Variants in CSMD1 observed in about 807,000 individuals in gnomAD.
CSMD1 encodes the protein CUB and Sushi multiple domains 1.
In CSMD1, 213 loss-of-function variants were observed where a neutral mutation model predicts 417.5. The observed-to-expected ratio is 0.51, with a 90% CI of 0.46 to 0.57. The LOEUF (loss-of-function observed/expected upper bound fraction) is 0.57. Ranked by LOEUF, CSMD1 falls within the 20% of genes least tolerant of loss-of-function variation. CSMD1 has a pLI of 0.00. For missense variants in CSMD1, 6,923 were observed against 4,529.7 expected, an observed-to-expected ratio of 1.53 and a Z score of -15.17; for synonymous variants, 2,862 against 1,736.8, an observed-to-expected ratio of 1.65 and a Z score of -16.11.
At chr8:4,138,129 A>T (rs1803549535) in intron 3 of CSMD1, among the ~76,000 whole-genome samples, 1 of 123,452 alleles carries the variant, frequency 8.1e-6, no homozygotes, top group Non-Finnish European at 1.6e-5. Flanking sequence ...GTTACCCAGG[A>T]TGGTCTCAAT....
intron 1 of CSMD1, among the ~76,000 whole-genome samples, chr8:4,984,962 C>G (rs765165174): frequency 6.6e-6 from 1 of 152,132 alleles, no homozygotes; most frequent in East Asian, 1.9e-4. Flanking sequence ...AATGGAAACT[C>G]CTAGAAAGCA....
chr8:3,429,813 A>C (rs544141107), intron 12 of CSMD1, among the ~76,000 whole-genome samples: 1 of 152,204 alleles, frequency 6.6e-6, no homozygotes, highest in Non-Finnish European at 1.5e-5. Context: ...AATAAATTAC[A>C]GATAGTCCCA....
chr8:4,878,919 G>A (rs142306699), intron 1 of CSMD1, among the ~76,000 whole-genome samples: 27 of 151,366 alleles, frequency 1.8e-4, no homozygotes, highest in African/African-American at 6.6e-4. Flanking sequence ...GAACGACAAG[G>A]TGAAGAGGAC....
intron 2 of CSMD1, among the ~76,000 whole-genome samples, chr8:4,430,596 TAGACA>T (rs1351698296): frequency 1.3e-5 from 2 of 152,180 alleles, no homozygotes; most frequent in Admixed American, 6.5e-5. Context: ...AATTGCATTC[TAGACA>T]AGTTTGTCAA....
At chr8:4,683,749 T>C (rs1563136159) in intron 1 of CSMD1, among the ~76,000 whole-genome samples, 2 of 152,188 alleles carry the variant, frequency 1.3e-5, no homozygotes, top group Admixed American at 1.3e-4. Context: ...TTTTGCACAA[T>C]TAGCTCAGAC....
At chr8:3,471,492 CTTT>C (rs1817096531) in intron 11 of CSMD1, among the ~76,000 whole-genome samples, 3 of 95,422 alleles carry the variant, frequency 3.1e-5, no homozygotes, top group Non-Finnish European at 5.5e-5. Context: ...TTCCTTCCTT[CTTT>C]CCTTCCTTCC....
At chr8:3,742,946 T>A (rs1205317199) in intron 6 of CSMD1, among the ~76,000 whole-genome samples, 1 of 152,200 alleles carries the variant, frequency 6.6e-6, no homozygotes, top group African/African-American at 2.4e-5. Context: ...CTCATCTTCT[T>A]GACAGGATAC....
chr8:4,387,570 C>CA (rs540419006), intron 3 of CSMD1, among the ~76,000 whole-genome samples: 9,785 of 37,008 alleles, frequency 0.26, 2,224 homozygotes, highest in East Asian at 0.52. Flanking sequence ...TCCAAACTGG[C>CA]AAAAAAAAAA....
chr8:4,027,050 G>C (rs995676487), intron 4 of CSMD1, among the ~76,000 whole-genome samples: 1 of 152,212 alleles, frequency 6.6e-6, no homozygotes, highest in Admixed American at 6.5e-5. Flanking sequence ...ACTTGGAAAA[G>C]AAGCAGATAG....
chr8:3,484,374 C>A (rs1435600191), intron 11 of CSMD1, among the ~76,000 whole-genome samples: 1 of 152,156 alleles, frequency 6.6e-6, no homozygotes, highest in Non-Finnish European at 1.5e-5. Flanking sequence ...CAGTTGGATA[C>A]ACGAACTGCC....
intron 7 of CSMD1, among the ~76,000 whole-genome samples, chr8:3,655,066 AG>A (rs1352142221): frequency 6.6e-6 from 1 of 152,236 alleles, no homozygotes; most frequent in Non-Finnish European, 1.5e-5. Context: ...AATAATTTAA[AG>A]AATGTTTTTT....
intron 5 of CSMD1, among the ~76,000 whole-genome samples, chr8:3,775,010 C>A (rs13264501): frequency 6.6e-6 from 1 of 151,828 alleles, no homozygotes; most frequent in Non-Finnish European, 1.5e-5. Flanking sequence ...CCGGCAGGAC[C>A]AAGCAGGATA....
intron 1 of CSMD1, among the ~76,000 whole-genome samples, chr8:4,953,301 C>A (rs143128548): frequency 6.6e-6 from 1 of 152,022 alleles, no homozygotes; most frequent in South Asian, 2.1e-4. Context: ...TTAGAAAGTA[C>A]AATATCTATT....
At chr8:3,957,671 G>C (rs1210626929) in intron 5 of CSMD1, among the ~76,000 whole-genome samples, 1 of 151,074 alleles carries the variant, frequency 6.6e-6, no homozygotes, top group African/African-American at 2.4e-5. Flanking sequence ...GCTATTAACA[G>C]AGCAAGACCA....
At position 4,724,098 on chromosome 8, in the gene CSMD1, T is replaced by C. The variant is rs1029135119; in HGVS notation, c.86-86540A>G. ...ATCTATATGCACTTAAGTGAGCCAT[T>C]GCAATTTGTCATTTTCCTGTAAGAC... On this transcript the variant is annotated intron_variant, in intron 1 of 69. Transcript: ENST00000635120. 5.9e-5 allele frequency among the ~76,000 whole-genome samples: 9 copies of C among 152,182 alleles called. No homozygotes were observed. In the South Asian group the frequency reaches 6.2e-4, roughly 10 times the overall value.
chr8:3,392,436 G>A (rs189806750), intron 17 of CSMD1, among the ~76,000 whole-genome samples: 1 of 152,098 alleles, frequency 6.6e-6, no homozygotes, highest in Admixed American at 6.5e-5. Context: ...GGGTTACCTG[G>A]ATGAAGGGGT....
chr8:4,529,586 T>C (rs1563259759), intron 2 of CSMD1, among the ~76,000 whole-genome samples: 4 of 152,298 alleles, frequency 2.6e-5, no homozygotes, highest in African/African-American at 7.2e-5. Context: ...CAAAAGCTCC[T>C]TGGGGGCAGT....
chr8:3,096,212 G>C (rs990433463), intron 47 of CSMD1, among the ~76,000 whole-genome samples: 1 of 152,152 alleles, frequency 6.6e-6, no homozygotes, highest in Non-Finnish European at 1.5e-5. Context: ...GTATTCCTAA[G>C]CATTCTAACT....
At chr8:4,244,944 A>C (rs1339071393) in intron 3 of CSMD1, among the ~76,000 whole-genome samples, 1 of 152,202 alleles carries the variant, frequency 6.6e-6, no homozygotes, top group Non-Finnish European at 1.5e-5. Flanking sequence ...CATTGCTTGA[A>C]AACAAATAAA....
Sources: gnomAD v4.1 joint callset for allele counts (sites outside exome capture counted in the v4.1 genomes callset) on GRCh38, gnomAD v4.1.1 for gene constraint, MANE v1.5 for transcripts, NCBI Gene and HGNC (gene_info 2026-07-23, HGNC 2026-07-21) for gene names.